The following RPS6KA4 variants were observed in gnomAD, a reference collection of about 807,000 sequenced individuals.
The protein encoded by RPS6KA4 is ribosomal protein S6 kinase alpha-4.
A neutral mutation model predicts 89.6 loss-of-function variants in RPS6KA4; 38 were observed. The ratio of observed to expected loss-of-function variants is 0.42; its 90% confidence interval spans 0.33 to 0.56. The LOEUF is 0.56. Among genes scored for constraint, RPS6KA4 ranks in the 20% least tolerant of loss-of-function variants. RPS6KA4 has a pLI of 0.07. For missense variants in RPS6KA4, 873 were observed against 1,098.8 expected (o/e 0.79, Z 2.90); for synonymous variants, 495 against 492.8 (o/e 1.00, Z -0.06).
Position 64,359,513 on chromosome 11 carries a change from A to G in RPS6KA4, c.127+64A>G, listed in dbSNP as rs999698187. Reference sequence around the variant, plus strand: ...GGTGCCCCTGACCTCCTGCCTGCTCACTCTTGGGCCTGGGCCAGGCCACTG... The same window carrying G: ...GGTGCCCCTGACCTCCTGCCTGCTCGCTCTTGGGCCTGGGCCAGGCCACTG... On this transcript the variant is annotated intron_variant, in intron 2 of 16. Coordinates refer to ENST00000334205, the MANE Select transcript of RPS6KA4 (RefSeq NM_003942.3). 6.7e-5 allele frequency: 105 copies of G among 1,559,190 alleles called. No homozygotes were observed. In the Admixed American group the frequency reaches 1.8e-3, roughly 26 times the overall value.
chr11:64,359,818 A>G (rs2036692872), intron 2 of RPS6KA4: 1 of 527,030 alleles, frequency 1.9e-6, no homozygotes, highest in African/African-American at 1.9e-5. Flanking sequence ...TTCCCCAGCC[A>G]GGTGCACACC....
In RPS6KA4 at chr11:64,361,527, G is replaced by A. The variant is rs565625025; in HGVS notation, c.629G>A (p.Arg210His). The change falls in exon 6 of 17, where the codon CGT becomes CAT. Residue 210 changes from arginine to histidine, a missense_variant. By Grantham distance (29) the Arg-to-His change is conservative. Transcript: ENST00000334205. This position sits in a 1 kb window ranked among gnomAD's most constrained non-coding sequence, Gnocchi z 4.7. ...TIEYMAPEII[R>H]SKTGHGKAVD... ...GAGTACATGGCCCCCGAAATCATCC[G>A]TAGCAAGACGGGGCATGGCAAGGTA... 3.5e-5 allele frequency: 57 copies of A among 1,614,100 alleles called. No individual in the cohort carries two copies. The highest frequency in any genetic ancestry group is 1.3e-4 in the East Asian group (6 of 44,874).
At chr11:64,360,412 G>A in intron 3 of RPS6KA4, 31 bp downstream of exon 3, 2 of 1,564,994 alleles carry the variant, frequency 1.3e-6, no homozygotes, top group East Asian at 2.4e-5. Flanking sequence ...AACGGGGTTG[G>A]GGTGGCTGGG....
At position 64,370,755 on chromosome 11, in the gene RPS6KA4, G is replaced by A. The variant is rs762445939; in HGVS notation, c.2121+29G>A. 4.0e-6 allele frequency: 6 copies of A among 1,500,898 alleles called. No individual in the cohort carries two copies. The highest frequency in any genetic ancestry group is 3.8e-5 in the South Asian group (3 of 79,286). The allele number at this position is 1,500,898 out of a possible 1,614,324, so 93.0% of individuals were successfully genotyped here. A position where few individuals can be genotyped will look rare whatever the true frequency, so the allele number is the denominator to read the frequency against. The stretch of plus-strand genomic sequence containing the variant: ...AGGGGCAGGGTCTGTTGAAGGGAAG[G>A]GGTGGGCGAAGCCTCGAGAGGTGGG... On this transcript the variant is annotated intron_variant, in intron 16 of 16. Coordinates refer to ENST00000334205, the MANE Select transcript of RPS6KA4 (RefSeq NM_003942.3). This position sits in a 1 kb window ranked among gnomAD's most constrained non-coding sequence, Gnocchi z 4.1.
chr11:64,369,295 A>G, intron 12 of RPS6KA4, 151 bp from the exon 13 acceptor site: 1 of 919,962 alleles, frequency 1.1e-6, no homozygotes, highest in South Asian at 1.9e-5. Context: ...TCTCCAAAAA[A>G]GTAACAAAGA....
At chr11:64,368,371 C>T (rs11605392) in intron 10 of RPS6KA4, 97 bp from the exon 11 acceptor site, 1 of 1,545,242 alleles carries the variant, frequency 6.5e-7, no homozygotes, top group African/African-American at 1.4e-5. Context: ...CAGCAAGGTC[C>T]TAAGCCTCTC....
chr11:64,361,863 A>G lies in RPS6KA4; in HGVS notation c.767A>G (p.Lys256Arg). The change falls in exon 8 of 17, where the codon AAG (lysine) becomes AGG (arginine). Residue 256 changes from lysine (K) to arginine (R), a missense_variant. Physicochemically the swap from Lys to Arg is conservative, Grantham distance 26. This residue lies in a region of RPS6KA4 where 542 missense variants were observed against 736.4 expected (regional missense o/e 0.74). Transcript: ENST00000334205. The surrounding 1 kb of genome is among the most constrained non-coding windows in gnomAD (Gnocchi z 4.7). The stretch of plus-strand genomic sequence containing the variant: ...CCCAATCCTCCCAGACGGATCCTGA[A>G]GTGCTCCCCTCCCTTCCCCCCTCGG... The part of the protein sequence containing the change: ...TQAEVSRRIL[K>R]CSPPFPPRIG... 1 of 1,612,450 alleles carries G rather than the reference A, an allele frequency of 6.2e-7. No individual in the cohort carries two copies. The highest frequency in any genetic ancestry group is 8.5e-7 in the Non-Finnish European group (1 of 1,179,700).
At chr11:64,362,064 G>A in intron 8 of RPS6KA4, 62 bp downstream of exon 8, 7 of 1,544,954 alleles carry the variant, frequency 4.5e-6, no homozygotes, top group African/African-American at 1.4e-5. Flanking sequence ...GCTGTTCCAG[G>A]TTGAGGTTGT....
At chr11:64,366,519 C>T (rs2036889897) in intron 9 of RPS6KA4, among the ~76,000 whole-genome samples, 1 of 152,208 alleles carries the variant, frequency 6.6e-6, no homozygotes, top group Admixed American at 6.5e-5. Context: ...TCCAAACTCC[C>T]TTTGCTTGGG....
chr11:64,364,392 T>C (rs2036827366), intron 8 of RPS6KA4, among the ~76,000 whole-genome samples: 1 of 152,180 alleles, frequency 6.6e-6, no homozygotes, highest in Admixed American at 6.5e-5. Flanking sequence ...CAAGCAAGTT[T>C]GTAAAAATAT....
rs1378681520 is a variant in RPS6KA4, at chr11:64,370,994, C to T, written c.2121+268C>T. On this transcript the variant is annotated intron_variant, in intron 16 of 16. Transcript: ENST00000334205. This position sits in a 1 kb window ranked among gnomAD's most constrained non-coding sequence, Gnocchi z 4.1. ...TGGCGCGCGCCTGTAATCCCAGCTA[C>T]TCAGGAGGCTGAGGCAGGAGAATCT... 1.3e-5 allele frequency among the ~76,000 whole-genome samples: 2 copies of T among 151,324 alleles called. No homozygotes were observed. Among genetic ancestry groups the T allele is most frequent in the Non-Finnish European group, 2.9e-5 (2 of 67,916 alleles).
intron 4 of RPS6KA4, 68 bp downstream of exon 4, chr11:64,360,660 C>T: frequency 1.5e-6 from 2 of 1,369,012 alleles, no homozygotes; most frequent in South Asian, 1.3e-5. Context: ...GGAATCTGCA[C>T]GCAGGGCAGC....
At position 64,370,655 on chromosome 11, in the gene RPS6KA4, C is replaced by T. The variant is rs1412221175; in HGVS notation, c.2050C>T (p.Pro684Ser). 10 of 1,571,188 alleles carry T rather than the reference C, an allele frequency of 6.4e-6. No homozygotes were observed. Among genetic ancestry groups the T allele is most frequent in the Non-Finnish European group, 1.7e-6 (2 of 1,165,274 alleles). Residue 684 changes from proline (P) to serine (S), a missense_variant, in exon 16 of 17, where the codon CCG becomes TCG. By Grantham distance (74) the Pro-to-Ser change is moderately conservative (BLOSUM62 -1). Transcript: ENST00000334205. This position sits in a 1 kb window ranked among gnomAD's most constrained non-coding sequence, Gnocchi z 4.1. ...LQDGSARSSP[P>S]LRTPDVLESS... is the part of the protein sequence containing the mutation. The stretch of plus-strand genomic sequence containing the variant: ...GGACGGCAGCGCGCGCTCCTCGCCC[C>T]CGCTCCGGACGCCCGACGTGCTCGA...
intron 4 of RPS6KA4, 195 bp from the exon 5 acceptor site, chr11:64,360,939 C>G: frequency 1.7e-6 from 1 of 581,686 alleles, no homozygotes; most frequent in Non-Finnish European, 3.0e-6. Context: ...ACCTTGGGGC[C>G]TGATCCACGG....
At chr11:64,362,025 T>G (rs1444422757) in intron 8 of RPS6KA4, 23 bp downstream of exon 8, 1 of 1,599,438 alleles carries the variant, frequency 6.3e-7, no homozygotes. Flanking sequence ...CAGGGCCCCA[T>G]ACCTCCTGGT....
intron 12 of RPS6KA4, 60 bp from the exon 13 acceptor site, chr11:64,369,386 G>A (rs2036987588): frequency 7.4e-6 from 11 of 1,493,286 alleles, no homozygotes; most frequent in African/African-American, 1.4e-5. Flanking sequence ...GGCCTGGGTG[G>A]TGGGAGGGGG....
In RPS6KA4 at chr11:64,361,437, C is replaced by T. The variant is rs375132521; in HGVS notation, c.571-32C>T. ...GGGCACTGGGGCACAGGAGAGGTTT[C>T]GACATCTAAGCAGGACCTCTTGCCC... On this transcript the variant is annotated intron_variant, in intron 5 of 16. Transcript: ENST00000334205. The surrounding 1 kb of genome is among the most constrained non-coding windows in gnomAD (Gnocchi z 4.7). The T allele has an allele frequency of 4.0e-5, 64 of 1,611,592 alleles. No individual in the cohort carries two copies. The highest frequency in any genetic ancestry group is 2.3e-4 in the Admixed American group (14 of 59,918).
intron 9 of RPS6KA4, among the ~76,000 whole-genome samples, chr11:64,366,835 GATATT>G (rs760138870): frequency 1.3e-5 from 2 of 152,100 alleles, no homozygotes; most frequent in Non-Finnish European, 2.9e-5. Context: ...TTGCCATAAT[GATATT>G]ATATCATTAT....
chr11:64,371,795 T>G lies in RPS6KA4; in HGVS notation c.*315T>G. Reference sequence around the variant, plus strand: ...CAACAGGAAAGAGCCCCTCCCCCACTTCTAAGCACTGAGTTAGGAGTGCTA... The same window carrying G: ...CAACAGGAAAGAGCCCCTCCCCCACGTCTAAGCACTGAGTTAGGAGTGCTA... On this transcript the variant is annotated 3_prime_UTR_variant, in exon 17 of 17. Coordinates refer to ENST00000334205, the MANE Select transcript of RPS6KA4 (RefSeq NM_003942.3). The G allele has an allele frequency of 3.7e-6, 1 of 273,512 alleles. No individual in the cohort carries two copies. The highest frequency in any genetic ancestry group is 7.9e-5 in the East Asian group (1 of 12,614). 16.9% of individuals were successfully genotyped at this position (273,512 alleles called of 1,614,324 possible).
Sources: allele counts gnomAD v4.1 joint callset (sites outside exome capture counted in the v4.1 genomes callset), GRCh38; gene constraint gnomAD v4.1.1; regional missense constraint gnomAD v4.1.1; non-coding constraint Gnocchi (gnomAD v3.1); transcripts MANE v1.5; gene names NCBI Gene and HGNC (gene_info 2026-07-23, HGNC 2026-07-21).